ABL1: variants seen among roughly 807,000 people sequenced by gnomAD.
The protein encoded by ABL1 is tyrosine-protein kinase ABL1.
Under a neutral mutation model 94.7 loss-of-function variants are expected in ABL1, and 11 were observed. The observed-to-expected ratio is 0.12, with a 90% CI of 0.07 to 0.19. The LOEUF is 0.19. ABL1 is among the 10% of genes least tolerant of loss of function. The pLI is 1.00. For missense variants in ABL1, 1,082 were observed against 1,489.4 expected, an observed-to-expected ratio of 0.73 and a Z score of 4.50; for synonymous variants, 656 against 622.4, an observed-to-expected ratio of 1.05 and a Z score of -0.80.
chr9:130,745,080 C>CT lies in ABL1; in HGVS notation c.136+30642dup, dbSNP rs767607633. Among the ~76,000 whole-genome samples the CT allele has an allele frequency of 5.9e-3, 777 of 131,334 alleles. 4 individuals are homozygous for CT. Among genetic ancestry groups the CT allele is most frequent in the East Asian group, 0.033 (154 of 4,612 alleles). The allele number at this position is 131,334 out of a possible 152,430, so 86.2% of individuals were successfully genotyped here. On this transcript the variant is annotated intron_variant, in intron 1 of 10. Coordinates refer to the ABL1 transcript ENST00000372348. ...AAGGGTGTTATCCCTTCCTGGGAAC[C>CT]TTTTTTTTTTTTTTTTTGAGGGGGG...
intron 1 of ABL1, among the ~76,000 whole-genome samples, chr9:130,842,177 G>A (rs1045796374): frequency 6.6e-6 from 1 of 152,172 alleles, no homozygotes; most frequent in African/African-American, 2.4e-5. Context: ...TGATGGACAG[G>A]CAGCTGATGT....
At chr9:130,736,121 G>A (rs1024909058) in intron 1 of ABL1, among the ~76,000 whole-genome samples, 4 of 151,208 alleles carry the variant, frequency 2.6e-5, no homozygotes, top group African/African-American at 9.7e-5. Flanking sequence ...ATGCCTGGCT[G>A]TTTTTTGTAT....
At chr9:130,732,536 T>C (rs1341366603) in intron 1 of ABL1, among the ~76,000 whole-genome samples, 2 of 152,116 alleles carry the variant, frequency 1.3e-5, no homozygotes, top group Admixed American at 1.3e-4. Flanking sequence ...ATTTTCTCTG[T>C]GTATTTAGTT....
chr9:130,728,817 C>G (rs1831625441), intron 1 of ABL1, among the ~76,000 whole-genome samples: 1 of 151,866 alleles, frequency 6.6e-6, no homozygotes, highest in Non-Finnish European at 1.5e-5. Flanking sequence ...ATTTAAATAT[C>G]TGAGTCATCT....
intron 1 of ABL1, among the ~76,000 whole-genome samples, chr9:130,723,621 C>G (rs1831542625): frequency 6.6e-6 from 1 of 152,048 alleles, no homozygotes; most frequent in African/African-American, 2.4e-5. Context: ...GTCCCCCCTC[C>G]CTTCTGAAAC....
intron 8 of ABL1, among the ~76,000 whole-genome samples, chr9:130,878,932 C>T (rs1246677738): frequency 7.0e-6 from 1 of 143,728 alleles, no homozygotes; most frequent in Non-Finnish European, 1.5e-5. Flanking sequence ...GGCTGGAGTA[C>T]AATGGCGCAA....
At chr9:130,752,973 A>T (rs917116740) in intron 1 of ABL1, among the ~76,000 whole-genome samples, 3 of 133,298 alleles carry the variant, frequency 2.3e-5, no homozygotes, top group African/African-American at 8.5e-5. Flanking sequence ...AAAAAAAAAA[A>T]GGGCTGGGCG....
At chr9:130,792,233 C>T (rs1409113476) in intron 1 of ABL1, among the ~76,000 whole-genome samples, 1 of 152,166 alleles carries the variant, frequency 6.6e-6, no homozygotes, top group African/African-American at 2.4e-5. Flanking sequence ...GTCTTACAGC[C>T]TCCAGGACTT....
chr9:130,811,305 T>C (rs529844061), intron 1 of ABL1, among the ~76,000 whole-genome samples: 2 of 151,660 alleles, frequency 1.3e-5, no homozygotes, highest in Non-Finnish European at 2.9e-5. Flanking sequence ...AACAAACAAA[T>C]AAAAGAAAAC....
chr9:130,724,375 A>G (rs1172107829), intron 1 of ABL1, among the ~76,000 whole-genome samples: 1 of 152,210 alleles, frequency 6.6e-6, no homozygotes, highest in Admixed American at 6.5e-5. Context: ...GTTCTCAAAT[A>G]GCTAACTTAT....
intron 1 of ABL1, among the ~76,000 whole-genome samples, chr9:130,755,965 G>A (rs914934213): frequency 2.0e-5 from 3 of 152,000 alleles, no homozygotes; most frequent in African/African-American, 7.3e-5. Flanking sequence ...ATGAATTTTT[G>A]TCAAAACACA....
intron 1 of ABL1, among the ~76,000 whole-genome samples, chr9:130,828,284 T>G (rs1369177576): frequency 1.4e-5 from 2 of 139,380 alleles, no homozygotes; most frequent in African/African-American, 5.4e-5. Flanking sequence ...AGGCTGGTCT[T>G]GAACTCCTGG....
At chr9:130,873,347 C>T (rs143157556) in intron 6 of ABL1, among the ~76,000 whole-genome samples, 15 of 152,326 alleles carry the variant, frequency 9.8e-5, no homozygotes, top group Admixed American at 4.6e-4. Context: ...TCATAAAAGG[C>T]GTCCTTCCTA....
chr9:130,808,519 C>T (rs919093838), intron 1 of ABL1, among the ~76,000 whole-genome samples: 1 of 152,208 alleles, frequency 6.6e-6, no homozygotes, highest in Non-Finnish European at 1.5e-5. Flanking sequence ...GCTGGGATTA[C>T]AGGCATGAGC....
chr9:130,764,766 G>T (rs1296177554), intron 1 of ABL1, among the ~76,000 whole-genome samples: 4 of 152,084 alleles, frequency 2.6e-5, no homozygotes, highest in African/African-American at 9.7e-5. Context: ...GATCAGCCTG[G>T]CTAACATGGT....
At chr9:130,776,333 T>G (rs1174035842) in intron 1 of ABL1, among the ~76,000 whole-genome samples, 1 of 152,152 alleles carries the variant, frequency 6.6e-6, no homozygotes, top group Non-Finnish European at 1.5e-5. Flanking sequence ...CGGTGGCTCA[T>G]GCCTGTAATC....
At chr9:130,724,284 A>T (rs553793590) in intron 1 of ABL1, among the ~76,000 whole-genome samples, 9 of 152,314 alleles carry the variant, frequency 5.9e-5, no homozygotes, top group African/African-American at 2.2e-4. Flanking sequence ...TAGGCTCTCC[A>T]TAAAAAAAAT....
chr9:130,721,015 AAAT>A (rs1564267597), intron 1 of ABL1, among the ~76,000 whole-genome samples: 1 of 151,634 alleles, frequency 6.6e-6, no homozygotes, highest in Non-Finnish European at 1.5e-5. Flanking sequence ...AAAAAAAAAA[AAAT>A]ATTTACCATC....
At position 130,768,438 on chromosome 9, in the gene ABL1, G is replaced by A. The variant is rs142923064; in HGVS notation, c.136+53983G>A. On this transcript the variant is annotated intron_variant, in intron 1 of 10. Coordinates refer to the ABL1 transcript ENST00000372348. ...GCTGTGTATCCTCAGTCTGATGGCGGTGGAAGTGAGGCAGCACCAAGGAGC... is the reference window on the plus strand; with the variant it reads ...GCTGTGTATCCTCAGTCTGATGGCGATGGAAGTGAGGCAGCACCAAGGAGC... Among the ~76,000 whole-genome samples the A allele has an allele frequency of 1.6e-3, 241 of 152,314 alleles. 1 individual carries two copies. Among genetic ancestry groups the A allele is most frequent in the African/African-American group, 5.5e-3 (229 of 41,554 alleles).
Sources: gnomAD v4.1 joint callset for allele counts (sites outside exome capture counted in the v4.1 genomes callset) on GRCh38, gnomAD v4.1.1 for gene constraint, MANE v1.5 for transcripts, NCBI Gene and HGNC (gene_info 2026-07-23, HGNC 2026-07-21) for gene names.